Variants in SAFB observed in about 807,000 individuals in gnomAD.
SAFB encodes the protein scaffold attachment factor B, also known as scaffold attachment factor B1.
A neutral mutation model predicts 101.6 loss-of-function variants in SAFB; 15 were observed. The ratio of observed to expected loss-of-function variants is 0.15; its 90% CI spans 0.10 to 0.23. The LOEUF (loss-of-function observed/expected upper bound fraction) is 0.23. Ranked by LOEUF, SAFB falls within the 10% of genes least tolerant of loss-of-function variation. The pLI is 1.00. For missense variants in SAFB, 930 were observed against 1,104.1 expected, an observed-to-expected ratio of 0.84 and a Z score of 2.23; for synonymous variants, 449 against 407.5, an observed-to-expected ratio of 1.10 and a Z score of -1.23.
At chr19:5,628,493 A>G (rs1371534778) in intron 2 of SAFB, among the ~76,000 whole-genome samples, 1 of 152,222 alleles carries the variant, frequency 6.6e-6, no homozygotes, top group Admixed American at 6.5e-5. Flanking sequence ...GCATGAAACA[A>G]AACTTTCACT....
chr19:5,650,539 G>A (rs1179193089), intron 8 of SAFB, among the ~76,000 whole-genome samples: 2 of 152,160 alleles, frequency 1.3e-5, no homozygotes, highest in African/African-American at 4.8e-5. Context: ...AGCCTCCTGA[G>A]TAGCTGGGAT....
chr19:5,643,903 C>A (rs1361340300), intron 4 of SAFB, among the ~76,000 whole-genome samples: 2 of 151,724 alleles, frequency 1.3e-5, no homozygotes, highest in Non-Finnish European at 2.9e-5. Context: ...GGAGATGGAT[C>A]AATTTCTGTG....
At chr19:5,629,157 C>G (rs1304780616) in intron 2 of SAFB, among the ~76,000 whole-genome samples, 1 of 152,196 alleles carries the variant, frequency 6.6e-6, no homozygotes, top group African/African-American at 2.4e-5. Flanking sequence ...GGACAGCCCA[C>G]TACTAAAAGT....
chr19:5,654,297 A>G, intron 12 of SAFB, 71 bp from the exon 13 acceptor site: 1 of 1,583,606 alleles, frequency 6.3e-7, no homozygotes. Context: ...AACTGGATTC[A>G]TGTTGCAGAG....
chr19:5,664,887 A>G (rs2145495903), intron 17 of SAFB: 1 of 190,314 alleles, frequency 5.3e-6, no homozygotes, highest in African/African-American at 2.4e-5. Flanking sequence ...AGCCTTGGAA[A>G]ACAACTAGAT....
At position 5,649,434 on chromosome 19, in the gene SAFB, T is replaced by C. The variant is rs1157638880; in HGVS notation, c.1083T>C (p.Ala361=). 2.0e-6 allele frequency: 1 copy of C among 488,466 alleles called. No homozygotes were observed. Among genetic ancestry groups the C allele is most frequent in the Non-Finnish European group, 3.4e-6 (1 of 294,152 alleles). 30.3% of individuals were successfully genotyped at this position (488,466 alleles called of 1,614,324 possible). Residue 361 remains alanine (A), a synonymous_variant, in exon 7 of 21, where the codon GCT becomes GCC. Coordinates refer to ENST00000588852, the MANE Select transcript of SAFB (RefSeq NM_001201338.2). ...KEDGRKFDFD[A]CNEVPPAPKE... ...ACGGGAGGAAGTTTGATTTTGACGC[T>C]TGTAATGAAGTCCCTCCGGCTCCTA...
chr19:5,643,271 G>T (rs1044813298), intron 4 of SAFB, among the ~76,000 whole-genome samples: 1 of 151,876 alleles, frequency 6.6e-6, no homozygotes, highest in Non-Finnish European at 1.5e-5. Context: ...CCCTGTTCTT[G>T]TCCTGGTCCT....
chr19:5,663,934 G>A (rs1458400709), intron 15 of SAFB, 88 bp from the exon 16 acceptor site: 9 of 1,414,272 alleles, frequency 6.4e-6, no homozygotes, highest in Non-Finnish European at 8.7e-6. Flanking sequence ...TCCTGGTTCT[G>A]TGAAGTGCTA....
At chr19:5,651,789 G>A (rs894803264) in intron 9 of SAFB, among the ~76,000 whole-genome samples, 2 of 152,164 alleles carry the variant, frequency 1.3e-5, no homozygotes, top group African/African-American at 2.4e-5. Flanking sequence ...AGTCGGTTTC[G>A]GGGACTACCA....
In SAFB at chr19:5,626,347, C is replaced by G. The variant is rs750264917; in HGVS notation, c.190-58C>G. The G allele has an allele frequency of 5.2e-5, 51 of 983,540 alleles. 1 individual carries two copies. Among genetic ancestry groups the G allele is most frequent in the Non-Finnish European group, 8.0e-5 (49 of 609,146 alleles). The allele number at this position is 983,540 out of a possible 1,614,324, so 60.9% of individuals were successfully genotyped here. ...AGTTTCCTTGTCACCTGAGAGCTCT[C>G]TGAAAGCAGTGTGTGAGCTGACTTT... On this transcript the variant is annotated intron_variant, in intron 1 of 20. Transcript: ENST00000588852.
intron 2 of SAFB, among the ~76,000 whole-genome samples, chr19:5,627,743 T>C (rs2053398798): frequency 6.6e-6 from 1 of 152,088 alleles, no homozygotes; most frequent in South Asian, 2.1e-4. Flanking sequence ...GAGACCTAGT[T>C]CCTCAAAAGA....
intron 2 of SAFB, among the ~76,000 whole-genome samples, chr19:5,640,909 T>C (rs891334112): frequency 6.7e-6 from 1 of 150,286 alleles, no homozygotes; most frequent in Admixed American, 6.7e-5. Flanking sequence ...AGTATCTTGA[T>C]AGTATGTGGG....
Position 5,654,245 on chromosome 19 carries a change from C to G in SAFB, c.1666+45C>G, listed in dbSNP as rs374192369. 8.1e-6 allele frequency: 13 copies of G among 1,609,840 alleles called. No individual in the cohort carries two copies. The African/African-American group carries it at 1.7e-4, about 22-fold the overall frequency. On this transcript the variant is annotated intron_variant, in intron 12 of 20. Coordinates refer to ENST00000588852, the MANE Select transcript of SAFB (RefSeq NM_001201338.2). ...AGGAGATTCTGTCTTGTTTCTGTGC[C>G]TAGTGGAGTTTGTTAGTTTGCTGTG...
intron 5 of SAFB, among the ~76,000 whole-genome samples, chr19:5,647,254 G>A (rs1004633685): frequency 1.3e-5 from 2 of 152,236 alleles, no homozygotes; most frequent in African/African-American, 4.8e-5. Context: ...TGAGGGATGT[G>A]GATGACTTGG....
intron 15 of SAFB, 77 bp downstream of exon 15, chr19:5,661,885 A>ATT (rs35301279): frequency 2.6e-3 from 2,122 of 831,498 alleles, no homozygotes; most frequent in Middle Eastern, 3.3e-3. Flanking sequence ...TTAGCTTGAG[A>ATT]TTTTTTTTTT....
chr19:5,629,216 A>G (rs76378689), intron 2 of SAFB, among the ~76,000 whole-genome samples: 5,766 of 152,248 alleles, frequency 0.038, 394 homozygotes, highest in African/African-American at 0.13. Flanking sequence ...TTTAAAAGTA[A>G]ACTTAGGCCT....
At chr19:5,651,494 C>T (rs1345766258) in intron 9 of SAFB, among the ~76,000 whole-genome samples, 1 of 152,174 alleles carries the variant, frequency 6.6e-6, no homozygotes, top group Non-Finnish European at 1.5e-5. Context: ...GTCCTCACCA[C>T]GGGTGTCTTG....
At chr19:5,660,607 G>C (rs2054175622) in intron 14 of SAFB, among the ~76,000 whole-genome samples, 2 of 149,996 alleles carry the variant, frequency 1.3e-5, no homozygotes, top group African/African-American at 4.9e-5. Context: ...CCTGGGCACA[G>C]TGGTTCATGC....
Position 5,623,399 on chromosome 19 carries a change from A to T in SAFB, c.189+5A>T, listed in dbSNP as rs780864116. On this transcript the variant is annotated splice_donor_5th_base_variant and intron_variant, in intron 1 of 20. Transcript: ENST00000588852. The stretch of plus-strand genomic sequence containing the variant: ...TTGATGGAGCGGCTGAAGAAGGTGG[A>T]TTTGGGGCCCCGAGGGCGGGCACAG... 5.6e-6 allele frequency: 9 copies of T among 1,610,506 alleles called. No homozygotes were observed. In the East Asian group the frequency reaches 1.1e-4, roughly 20 times the overall value.
Sources: allele counts gnomAD v4.1 joint callset (sites outside exome capture counted in the v4.1 genomes callset), GRCh38; gene constraint gnomAD v4.1.1; transcripts MANE v1.5; gene names NCBI Gene and HGNC (gene_info 2026-07-23, HGNC 2026-07-21).